NME7: variants seen among roughly 807,000 people sequenced by gnomAD.
The protein encoded by NME7 is NME/NM23 family member 7, also known as nucleoside diphosphate kinase 7.
In NME7, 41 loss-of-function variants were observed where a neutral mutation model predicts 49.1. The observed-to-expected ratio is 0.83, with a 90% CI of 0.65 to 1.08. The LOEUF is 1.08. Ranked by LOEUF, NME7 falls within the 50% of genes least tolerant of loss-of-function variation. NME7 has a pLI of 0.00. For synonymous variants in NME7, 139 were observed against 150.6 expected (o/e 0.92, Z 0.56); for missense variants, 423 against 463.4 (o/e 0.91, Z 0.80).
At chr1:169,344,744 G>T (rs1652899775) in intron 1 of NME7, among the ~76,000 whole-genome samples, 1 of 151,904 alleles carries the variant, frequency 6.6e-6, no homozygotes, top group Admixed American at 6.6e-5. Flanking sequence ...TCTATGTATT[G>T]CTAATATTGC....
chr1:169,213,262 C>T (rs1660883305), intron 10 of NME7, among the ~76,000 whole-genome samples: 1 of 152,080 alleles, frequency 6.6e-6, no homozygotes, highest in African/African-American at 2.4e-5. Flanking sequence ...AGGAACCTAA[C>T]TCTGTATTTC....
chr1:169,366,337 A>G (rs1012270805), intron 1 of NME7, among the ~76,000 whole-genome samples: 1 of 152,258 alleles, frequency 6.6e-6, no homozygotes, highest in Non-Finnish European at 1.5e-5. Flanking sequence ...TGAAGCCATT[A>G]AAGAAGCCAG....
At chr1:169,298,947 G>C (rs1650823436) in intron 5 of NME7, among the ~76,000 whole-genome samples, 184 bp from the exon 6 acceptor site, 1 of 152,126 alleles carries the variant, frequency 6.6e-6, no homozygotes, top group South Asian at 2.1e-4. Flanking sequence ...GTGTCTTGCA[G>C]TGGCTCAATT....
At chr1:169,321,599 A>G (rs1336394375) in intron 3 of NME7, among the ~76,000 whole-genome samples, 5 of 152,208 alleles carry the variant, frequency 3.3e-5, no homozygotes, top group Non-Finnish European at 5.9e-5. Flanking sequence ...GTCCTATTTC[A>G]AAGAGAGTCT....
At chr1:169,254,276 C>A (rs1648789206) in intron 7 of NME7, among the ~76,000 whole-genome samples, 1 of 151,970 alleles carries the variant, frequency 6.6e-6, no homozygotes, top group Admixed American at 6.6e-5. Context: ...TCAACTTCTT[C>A]CTGGTTTAGT....
In NME7 at chr1:169,156,072, C is replaced by T. The variant is rs556139925; in HGVS notation, c.1098+13375G>A. On this transcript the variant is annotated intron_variant, in intron 11 of 11. Coordinates refer to ENST00000367811, the MANE Select transcript of NME7 (RefSeq NM_013330.5). ...TGGCTCACACCTGTAATTTCCAACA[C>T]TTTGAGAGACCAAGGTGGGACGATT... Among the ~76,000 whole-genome samples, 23 of 150,408 alleles carry T rather than the reference C, an allele frequency of 1.5e-4. 1 individual carries two copies. The South Asian group carries it at 4.4e-3, about 29-fold the overall frequency.
At chr1:169,223,040 G>C (rs12735330) in intron 10 of NME7, among the ~76,000 whole-genome samples, 10,651 of 152,176 alleles carry the variant, frequency 0.07, 1,482 homozygotes, top group East Asian at 0.66. Context: ...ATCACATGCT[G>C]CATTTAGATA....
intron 1 of NME7, among the ~76,000 whole-genome samples, chr1:169,356,821 T>C (rs1000846257): frequency 6.6e-6 from 1 of 152,204 alleles, no homozygotes; most frequent in Non-Finnish European, 1.5e-5. Context: ...GGAATCAATG[T>C]TGACATTAAT....
At chr1:169,214,305 T>C (rs140032210) in intron 10 of NME7, among the ~76,000 whole-genome samples, 338 of 152,312 alleles carry the variant, frequency 2.2e-3, no homozygotes, top group African/African-American at 7.4e-3. Context: ...GGTCTTTCCT[T>C]TCCTAACCTG....
rs535738823 is a variant in NME7, at chr1:169,336,258, G to T, written c.4-11758C>A. 9.9e-5 allele frequency among the ~76,000 whole-genome samples: 15 copies of T among 152,246 alleles called. No homozygotes were observed. In the South Asian group the frequency reaches 1.9e-3, roughly 19 times the overall value. On this transcript the variant is annotated intron_variant, in intron 1 of 11. Coordinates refer to ENST00000367811, the MANE Select transcript of NME7 (RefSeq NM_013330.5). ...GTGAGTGTTACAGCTCATAAAAGCA[G>T]CATGGACCCAAAGAGTGAGCAGTAG...
At chr1:169,316,666 G>C (rs1258295912) in intron 3 of NME7, among the ~76,000 whole-genome samples, 1 of 152,142 alleles carries the variant, frequency 6.6e-6, no homozygotes, top group Non-Finnish European at 1.5e-5. Context: ...TCAGTGTGAG[G>C]AGGACTCAAG....
chr1:169,234,997 C>A, intron 9 of NME7, 134 bp downstream of exon 9: 1 of 432,956 alleles, frequency 2.3e-6, no homozygotes, highest in South Asian at 5.1e-5. Context: ...TGACACAGAA[C>A]TTTAGTATGA....
intron 10 of NME7, among the ~76,000 whole-genome samples, chr1:169,222,255 TGAG>T (rs1442559952): frequency 6.6e-6 from 1 of 152,164 alleles, no homozygotes; most frequent in African/African-American, 2.4e-5. Context: ...TGGTGCCCTG[TGAG>T]GAGATTTTAT....
At position 169,191,105 on chromosome 1, in the gene NME7, C is replaced by A. The variant is rs545794319; in HGVS notation, c.991-21551G>T. ...GGGATTACAGGCGTGAGCCACCGCGCCCGGCCGCAAGTGAACTGTTTCTAA... is the reference window on the plus strand; with the variant it reads ...GGGATTACAGGCGTGAGCCACCGCGACCGGCCGCAAGTGAACTGTTTCTAA... On this transcript the variant is annotated intron_variant, in intron 10 of 11. Transcript: ENST00000367811. 3.3e-5 allele frequency among the ~76,000 whole-genome samples: 2 copies of A among 61,312 alleles called. 1 individual carries two copies. The highest frequency in any genetic ancestry group is 8.2e-5 in the Non-Finnish European group (2 of 24,492). 40.2% of individuals were successfully genotyped at this position (61,312 alleles called of 152,430 possible).
intron 7 of NME7, among the ~76,000 whole-genome samples, chr1:169,280,385 A>G (rs1649957048): frequency 1.3e-5 from 2 of 151,820 alleles, no homozygotes; most frequent in Non-Finnish European, 2.9e-5. Context: ...GATTGCAAAA[A>G]TTTTCTCCTA....
intron 10 of NME7, among the ~76,000 whole-genome samples, chr1:169,171,288 G>C (rs569953402): frequency 6.6e-6 from 1 of 152,006 alleles, no homozygotes; most frequent in South Asian, 2.1e-4. Context: ...GATGGCTTGA[G>C]CCTGTGAGGT....
chr1:169,202,644 T>C (rs964260282), intron 10 of NME7, among the ~76,000 whole-genome samples: 12 of 152,180 alleles, frequency 7.9e-5, no homozygotes, highest in Admixed American at 7.2e-4. Flanking sequence ...CTTAAACTGC[T>C]ATAATGTGTC....
chr1:169,175,367 A>G (rs1035740998), intron 10 of NME7, among the ~76,000 whole-genome samples: 1 of 152,156 alleles, frequency 6.6e-6, no homozygotes, highest in Non-Finnish European at 1.5e-5. Context: ...TTTTTTTCTA[A>G]TAAGTAGAAA....
At chr1:169,218,579 A>AAAAC (rs1206487282) in intron 10 of NME7, among the ~76,000 whole-genome samples, 1 of 152,146 alleles carries the variant, frequency 6.6e-6, no homozygotes, top group Non-Finnish European at 1.5e-5. Flanking sequence ...GAAAAACAGA[A>AAAAC]AAACAAACAA....
Sources: allele counts gnomAD v4.1 joint callset (sites outside exome capture counted in the v4.1 genomes callset), GRCh38; gene constraint gnomAD v4.1.1; transcripts MANE v1.5; gene names NCBI Gene and HGNC (gene_info 2026-07-23, HGNC 2026-07-21).